The following MTFR1 variants were observed in gnomAD, a reference collection of about 807,000 sequenced individuals.
MTFR1 encodes the protein chondrocyte protein with a poly-proline region.
A neutral mutation model predicts 38.8 loss-of-function variants in MTFR1; 28 were observed. The ratio of observed to expected loss-of-function variants is 0.72; its 90% CI spans 0.53 to 0.99. MTFR1 has a LOEUF of 0.99. Ranked by LOEUF, MTFR1 falls within the 50% of genes least tolerant of loss-of-function variation. MTFR1 has a pLI of 0.00. For missense variants in MTFR1, 358 were observed against 395.5 expected, an observed-to-expected ratio of 0.91 and a Z score of 0.81; for synonymous variants, 145 against 137.0, an observed-to-expected ratio of 1.06 and a Z score of -0.41.
rs751687648 is a variant in MTFR1 at position 65,734,752 on chromosome 8, T to C, written c.*48+15271T>C. ...GTATGTGAAAGTAAATCAAAAGGAATTTTCTTATGATTTTCACCTGAAATC... is the reference window on the plus strand; with the variant it reads ...GTATGTGAAAGTAAATCAAAAGGAACTTTCTTATGATTTTCACCTGAAATC... On this transcript the variant is annotated intron_variant, in intron 3 of 3. Transcript: ENST00000521247. 31 of 1,125,056 alleles carry C rather than the reference T, an allele frequency of 2.8e-5. No individual in the cohort carries two copies. The Admixed American group carries it at 5.5e-4, about 20-fold the overall frequency. 69.7% of individuals were successfully genotyped at this position (1,125,056 alleles called of 1,614,324 possible). A position where few individuals can be genotyped will look rare whatever the true frequency, so the allele number is the denominator to read the frequency against.
intron 2 of MTFR1, among the ~76,000 whole-genome samples, chr8:65,716,877 T>C (rs1465130748): frequency 1.3e-5 from 2 of 152,114 alleles, no homozygotes; most frequent in African/African-American, 4.8e-5. Flanking sequence ...ACCATATTCC[T>C]CTACTACCCT....
intron 3 of MTFR1, chr8:65,765,573 G>A (rs1240028547): frequency 6.9e-6 from 1 of 144,904 alleles, no homozygotes; most frequent in African/African-American, 2.5e-5. Flanking sequence ...TGTCCCAAGA[G>A]TAAAAAGAAA....
chr8:65,699,358 A>G (rs1379519397), intron 4 of MTFR1, among the ~76,000 whole-genome samples: 1 of 152,172 alleles, frequency 6.6e-6, no homozygotes, highest in Non-Finnish European at 1.5e-5. Flanking sequence ...TATATACCCA[A>G]TAGAGGGATT....
chr8:65,684,002 T>A (rs905530001), intron 3 of MTFR1, among the ~76,000 whole-genome samples: 2 of 152,208 alleles, frequency 1.3e-5, no homozygotes, highest in Non-Finnish European at 2.9e-5. Context: ...ATTCCATCAA[T>A]GTCTTTCTGG....
intron 2 of MTFR1, among the ~76,000 whole-genome samples, chr8:65,676,456 C>T (rs895430437): frequency 9.2e-5 from 14 of 152,104 alleles, no homozygotes; most frequent in Admixed American, 8.5e-4. Context: ...CTCTGCCTCC[C>T]GGATTCAAGT....
intron 3 of MTFR1, chr8:65,727,501 A>G: frequency 1.8e-6 from 1 of 561,244 alleles, no homozygotes; most frequent in Non-Finnish European, 3.0e-6. Flanking sequence ...CAAAGCCATG[A>G]TACAACAGTG....
At chr8:65,759,738 G>A (rs1218122576) in intron 3 of MTFR1, among the ~76,000 whole-genome samples, 1 of 152,020 alleles carries the variant, frequency 6.6e-6, no homozygotes, top group Non-Finnish European at 1.5e-5. Context: ...GGTCCTTTCT[G>A]GAATGAGACA....
intron 2 of MTFR1, among the ~76,000 whole-genome samples, chr8:65,674,804 A>G (rs967888767): frequency 2.6e-5 from 4 of 152,068 alleles, no homozygotes; most frequent in African/African-American, 9.7e-5. Flanking sequence ...TTTTACATAA[A>G]TTGCCTATAT....
rs577617008 is a variant in MTFR1 at position 65,725,940 on chromosome 8, T to G, written c.*48+6459T>G. Among the ~76,000 whole-genome samples the G allele has an allele frequency of 4.4e-4, 67 of 152,310 alleles. 3 individuals carry two copies. The South Asian group carries it at 0.012, about 28-fold the overall frequency. ...GTACTACAGCAAAAAATGATTTTACTTACCAGAAGTATTGTCATACTCCAA... is the reference window on the plus strand; with the variant it reads ...GTACTACAGCAAAAAATGATTTTACGTACCAGAAGTATTGTCATACTCCAA... On this transcript the variant is annotated intron_variant, in intron 3 of 3. Transcript: ENST00000521247.
intron 2 of MTFR1, among the ~76,000 whole-genome samples, chr8:65,681,730 C>T (rs1450902445): frequency 1.2e-4 from 18 of 147,302 alleles, no homozygotes; most frequent in African/African-American, 4.6e-4. Context: ...GCATAATGTC[C>T]TGTTTTATTA....
intron 1 of MTFR1, among the ~76,000 whole-genome samples, chr8:65,668,525 CTTTTTTTTT>C (rs144265003): frequency 7.9e-6 from 1 of 127,026 alleles, no homozygotes; most frequent in Non-Finnish European, 1.6e-5. Context: ...TTTCTTTTTT[CTTTTTTTTT>C]TTTTTTTTAA....
At chr8:65,742,032 A>C (rs1451297948) in intron 3 of MTFR1, among the ~76,000 whole-genome samples, 1 of 152,264 alleles carries the variant, frequency 6.6e-6, no homozygotes. Flanking sequence ...GAGGATTATA[A>C]TACCAGTGAG....
chr8:65,709,132 A>G lies in MTFR1; in HGVS notation c.*88A>G, dbSNP rs1805870541. The stretch of plus-strand genomic sequence containing the variant: ...AGTAGAAATCGACACTGTTTAGTAA[A>G]TACCTCTTTAGTATTCAGTGGTCTT... On this transcript the variant is annotated 3_prime_UTR_variant, in exon 8 of 8. Coordinates refer to ENST00000262146, the MANE Select transcript of MTFR1 (RefSeq NM_014637.4). 2 of 1,128,688 alleles carry G rather than the reference A, an allele frequency of 1.8e-6. No homozygotes were observed. Among genetic ancestry groups the G allele is most frequent in the African/African-American group, 3.1e-5 (2 of 64,966 alleles). 69.9% of individuals were successfully genotyped at this position (1,128,688 alleles called of 1,614,324 possible). A position where few individuals can be genotyped will look rare whatever the true frequency, so the allele number is the denominator to read the frequency against.
At chr8:65,775,605 G>A (rs141046329), downstream of MTFR1, among the ~76,000 whole-genome samples, 105 of 152,212 alleles carry the variant, frequency 6.9e-4, no homozygotes, top group African/African-American at 2.3e-3. Context: ...GTGATCCTAC[G>A]TCCTCTGTCA....
intron 3 of MTFR1, among the ~76,000 whole-genome samples, chr8:65,734,472 A>G (rs1331912623): frequency 6.6e-6 from 1 of 152,160 alleles, no homozygotes; most frequent in Non-Finnish European, 1.5e-5. Flanking sequence ...GTAGCTCCTC[A>G]TTCATTCACT....
At chr8:65,689,971 T>C (rs1041862089) in intron 3 of MTFR1, among the ~76,000 whole-genome samples, 4 of 152,232 alleles carry the variant, frequency 2.6e-5, no homozygotes, top group Non-Finnish European at 5.9e-5. Context: ...TTTCATCTTA[T>C]TGAGCACATA....
intron 1 of MTFR1, among the ~76,000 whole-genome samples, chr8:65,666,383 G>A (rs1290604333): frequency 6.6e-6 from 1 of 152,246 alleles, no homozygotes; most frequent in East Asian, 1.9e-4. Flanking sequence ...TCCAGCCTGG[G>A]CGATGGAGTG....
At chr8:65,724,191 A>G in intron 3 of MTFR1, 1 of 992,624 alleles carries the variant, frequency 1.0e-6, no homozygotes, top group Admixed American at 1.8e-5. Context: ...GAGTTATTTT[A>G]TTCTTACGAT....
downstream of MTFR1, among the ~76,000 whole-genome samples, chr8:65,710,793 T>C (rs1298796677): frequency 1.3e-5 from 2 of 152,244 alleles, no homozygotes; most frequent in East Asian, 1.9e-4. Context: ...CATAATCTAC[T>C]TCTGAGATTG....
Sources: gnomAD v4.1 joint callset for allele counts (sites outside exome capture counted in the v4.1 genomes callset) on GRCh38, gnomAD v4.1.1 for gene constraint, MANE v1.5 for transcripts, NCBI Gene and HGNC (gene_info 2026-07-23, HGNC 2026-07-21) for gene names.